Variants in RORA observed in about 807,000 individuals in gnomAD.
RORA encodes the protein nuclear receptor ROR-alpha.
RORA carries 7 observed loss-of-function variants against 69.5 expected under a neutral mutation model. That is an observed-to-expected ratio of 0.10 (90% CI 0.06 to 0.19). The LOEUF (loss-of-function observed/expected upper bound fraction) is 0.19. Among genes scored for constraint, RORA ranks in the 10% least tolerant of loss-of-function variants. RORA has a pLI of 1.00. For synonymous variants in RORA, 261 were observed against 240.8 expected (o/e 1.08, Z -0.78); for missense variants, 457 against 663.0 (o/e 0.69, Z 3.41).
At chr15:60,944,341 C>T (rs1363080085) in intron 1 of RORA, among the ~76,000 whole-genome samples, 1 of 152,152 alleles carries the variant, frequency 6.6e-6, no homozygotes, top group Admixed American at 6.5e-5. Flanking sequence ...ACAGTGAACA[C>T]CGTACTAAGG....
intron 1 of RORA, among the ~76,000 whole-genome samples, chr15:60,807,873 A>G (rs1448308240): frequency 6.6e-6 from 1 of 152,226 alleles, no homozygotes; most frequent in African/African-American, 2.4e-5. Flanking sequence ...GGCAAGCCAC[A>G]TGTAGGAGAA....
intron 1 of RORA, among the ~76,000 whole-genome samples, chr15:60,996,471 A>T (rs1894540240): frequency 6.6e-6 from 1 of 152,220 alleles, no homozygotes. Context: ...TCTCCATTAT[A>T]TCTGATTCAA....
chr15:60,491,430 CAG>C lies in RORA; in HGVS notation c.*6023_*6024del, dbSNP rs2065038996. The C allele has an allele frequency of 6.6e-6, 1 of 152,150 alleles. No homozygotes were observed. The highest frequency in any genetic ancestry group is 2.4e-5 in the African/African-American group (1 of 41,444). 9.4% of individuals were successfully genotyped at this position (152,150 alleles called of 1,614,324 possible). Reference sequence around the variant, plus strand: ...GTACATTAAATGTAAACAGCAAACACAGATTTCCTAGGCATCTATTTAAAATA... The same window carrying C: ...GTACATTAAATGTAAACAGCAAACACATTTCCTAGGCATCTATTTAAAATA... On this transcript the variant is annotated 3_prime_UTR_variant, in exon 11 of 11. Coordinates refer to ENST00000335670, the MANE Select transcript of RORA (RefSeq NM_134261.3).
At chr15:61,038,434 T>A (rs566057367) in intron 1 of RORA, among the ~76,000 whole-genome samples, 61 of 152,302 alleles carry the variant, frequency 4.0e-4, no homozygotes, top group African/African-American at 1.3e-3. Context: ...AACCCTCCAA[T>A]AGAACCAATC....
intron 1 of RORA, among the ~76,000 whole-genome samples, chr15:61,141,818 C>A (rs1237654382): frequency 6.6e-6 from 1 of 152,202 alleles, no homozygotes; most frequent in African/African-American, 2.4e-5. Flanking sequence ...AGGTCGACTG[C>A]AGGAGGCACA....
intron 1 of RORA, among the ~76,000 whole-genome samples, chr15:61,203,222 T>C (rs2079910762): frequency 6.6e-6 from 1 of 152,144 alleles, no homozygotes; most frequent in African/African-American, 2.4e-5. Flanking sequence ...ACAAAGGACA[T>C]GACACAAAAG....
At chr15:60,626,347 T>C (rs2069580194) in intron 2 of RORA, among the ~76,000 whole-genome samples, 1 of 152,204 alleles carries the variant, frequency 6.6e-6, no homozygotes, top group Non-Finnish European at 1.5e-5. Context: ...TTCCTGCAAC[T>C]CTGACCAGGG....
At chr15:60,731,659 G>A (rs950051716) in intron 1 of RORA, among the ~76,000 whole-genome samples, 1 of 152,198 alleles carries the variant, frequency 6.6e-6, no homozygotes, top group Non-Finnish European at 1.5e-5. Context: ...AGTAGAGCAA[G>A]CACACCAACA....
intron 1 of RORA, among the ~76,000 whole-genome samples, chr15:60,780,011 A>G (rs543167249): frequency 4.6e-5 from 7 of 152,202 alleles, no homozygotes; most frequent in Non-Finnish European, 7.3e-5. Context: ...ATCTCATGGA[A>G]GTAAGAAGAA....
rs1240861533 is a variant in RORA at position 60,563,522 on chromosome 15, T to G, written c.197-31671A>C. 2.0e-5 allele frequency among the ~76,000 whole-genome samples: 3 copies of G among 152,368 alleles called. No individual in the cohort carries two copies. In the East Asian group the frequency reaches 5.8e-4, roughly 29 times the overall value. On this transcript the variant is annotated intron_variant, in intron 2 of 10. Coordinates refer to ENST00000335670, the MANE Select transcript of RORA (RefSeq NM_134261.3). ...TTTTAGTCATCAAGAACACTTACTG[T>G]TCCAATTCTGCCACGGATGTGGTCA...
intron 1 of RORA, among the ~76,000 whole-genome samples, chr15:60,946,637 GC>G (rs1892886288): frequency 6.6e-6 from 1 of 152,166 alleles, no homozygotes; most frequent in Non-Finnish European, 1.5e-5. Context: ...CCTCCCAGCC[GC>G]CTGCCTTGGC....
At chr15:61,206,047 C>T (rs2079938199) in intron 1 of RORA, among the ~76,000 whole-genome samples, 1 of 152,076 alleles carries the variant, frequency 6.6e-6, no homozygotes, top group Admixed American at 6.5e-5. Flanking sequence ...AGGACTGAGC[C>T]CAGTGTGTTC....
At chr15:61,044,368 C>T (rs1236589736) in intron 1 of RORA, among the ~76,000 whole-genome samples, 1 of 152,150 alleles carries the variant, frequency 6.6e-6, no homozygotes, top group Admixed American at 6.5e-5. Context: ...AGTCACTCTG[C>T]CGAGTCGCCC....
At chr15:61,028,597 C>T (rs1189418350) in intron 1 of RORA, among the ~76,000 whole-genome samples, 1 of 152,168 alleles carries the variant, frequency 6.6e-6, no homozygotes, top group Admixed American at 6.5e-5. Flanking sequence ...AGTAGAATTG[C>T]AACCATGACA....
intron 2 of RORA, among the ~76,000 whole-genome samples, chr15:60,547,524 C>T (rs986863338): frequency 2.2e-4 from 34 of 151,754 alleles, no homozygotes; most frequent in African/African-American, 8.0e-4. Flanking sequence ...ACGGGTTTCT[C>T]CATGTTGGCC....
At chr15:60,519,193 C>T (rs1197918943) in intron 3 of RORA, among the ~76,000 whole-genome samples, 1 of 152,178 alleles carries the variant, frequency 6.6e-6, no homozygotes, top group Non-Finnish European at 1.5e-5. Flanking sequence ...TCCTTCATGA[C>T]AGTCATTTCC....
At position 61,147,794 on chromosome 15, in the gene RORA, T is replaced by TGTGTGTGTGTGTGA. The variant is rs1491148975; in HGVS notation, c.166+81258_166+81259insTCACACACACACAC. 1.3e-5 allele frequency among the ~76,000 whole-genome samples: 2 copies of TGTGTGTGTGTGTGA among 151,056 alleles called. No homozygotes were observed. The highest frequency in any genetic ancestry group is 2.1e-4 in the South Asian group (1 of 4,790). On this transcript the variant is annotated intron_variant, in intron 1 of 10. Coordinates refer to ENST00000335670, the MANE Select transcript of RORA (RefSeq NM_134261.3). The surrounding 1 kb of genome is among the most constrained non-coding windows in gnomAD (Gnocchi z 4.1). ...GTGTGTGTGTGTGTGTGTGTGTGTG[T>TGTGTGTGTGTGTGA]GAAATCTTTAGGTTTTTTTACCTGC...
intron 1 of RORA, among the ~76,000 whole-genome samples, chr15:61,074,954 G>A (rs1020909984): frequency 1.1e-4 from 16 of 151,914 alleles, no homozygotes; most frequent in Non-Finnish European, 2.2e-4. Flanking sequence ...AGGTGTGGTG[G>A]TGCACACCTG....
intron 2 of RORA, among the ~76,000 whole-genome samples, chr15:60,604,057 TG>T (rs1203677336): frequency 1.4e-5 from 2 of 140,250 alleles, no homozygotes; most frequent in Non-Finnish European, 3.0e-5. Context: ...CGCTTGACCC[TG>T]GGAGGCGTAG....
Sources: allele counts gnomAD v4.1 joint callset (sites outside exome capture counted in the v4.1 genomes callset), GRCh38; gene constraint gnomAD v4.1.1; non-coding constraint Gnocchi (gnomAD v3.1); transcripts MANE v1.5; gene names NCBI Gene and HGNC (gene_info 2026-07-23, HGNC 2026-07-21).